SH3RF3: variants seen among roughly 807,000 people sequenced by gnomAD.
SH3RF3 encodes the protein SH3 domain containing ring finger 3.
In SH3RF3, 29 loss-of-function variants were observed where a neutral mutation model predicts 66.3. The ratio of observed to expected loss-of-function variants is 0.44; its 90% confidence interval spans 0.33 to 0.60. The LOEUF (loss-of-function observed/expected upper bound fraction) is 0.60, where lower values mean the gene tolerates loss of function less well. Among genes scored for constraint, SH3RF3 ranks in the 20% least tolerant of loss-of-function variants. The probability of loss-of-function intolerance (pLI) is 0.04; values close to 1 mark genes in which losing one functional copy is unlikely to be tolerated. For missense variants in SH3RF3, 1,194 were observed against 1,190.9 expected, an observed-to-expected ratio of 1.00 and a Z score of -0.04; for synonymous variants, 583 against 532.0, an observed-to-expected ratio of 1.10 and a Z score of -1.32.
At chr2:109,264,443 G>C (rs1972285) in intron 1 of SH3RF3, among the ~76,000 whole-genome samples, 1 of 151,960 alleles carries the variant, frequency 6.6e-6, no homozygotes, top group Non-Finnish European at 1.5e-5. Context: ...CCCCAAGTCT[G>C]TGTGTGCTCC....
chr2:109,221,773 C>A (rs1679249673), intron 1 of SH3RF3, among the ~76,000 whole-genome samples: 1 of 151,998 alleles, frequency 6.6e-6, no homozygotes, highest in Admixed American at 6.6e-5. Context: ...ATAAATAAGG[C>A]AGCCACTATG....
chr2:109,145,216 G>A (rs1322756711), intron 1 of SH3RF3, among the ~76,000 whole-genome samples: 2 of 152,172 alleles, frequency 1.3e-5, no homozygotes, highest in Admixed American at 6.5e-5. Context: ...TGTCCTGGCT[G>A]GGTCCTTCCT....
intron 1 of SH3RF3, among the ~76,000 whole-genome samples, chr2:109,252,150 T>G (rs910350326): frequency 6.6e-6 from 1 of 151,490 alleles, no homozygotes; most frequent in Non-Finnish European, 1.5e-5. Flanking sequence ...AGGCTGAGGT[T>G]GGAGGATGGA....
chr2:109,276,998 G>A (rs966791270), intron 1 of SH3RF3, among the ~76,000 whole-genome samples: 1 of 152,224 alleles, frequency 6.6e-6, no homozygotes, highest in South Asian at 2.1e-4. Flanking sequence ...GTGGGCAAAT[G>A]GACAGAATCA....
intron 1 of SH3RF3, among the ~76,000 whole-genome samples, chr2:109,149,106 G>C (rs1677171879): frequency 6.6e-6 from 1 of 152,058 alleles, no homozygotes; most frequent in South Asian, 2.1e-4. Flanking sequence ...CACTGTTCTG[G>C]GCTCTGGGAA....
intron 2 of SH3RF3, among the ~76,000 whole-genome samples, chr2:109,356,379 T>G (rs1042826174): frequency 6.6e-6 from 1 of 152,238 alleles, no homozygotes; most frequent in South Asian, 2.1e-4. Flanking sequence ...TAGGTCTATG[T>G]TGGACTTGCC....
intron 4 of SH3RF3, among the ~76,000 whole-genome samples, chr2:109,407,456 T>C (rs1430941750): frequency 6.6e-6 from 1 of 152,148 alleles, no homozygotes; most frequent in African/African-American, 2.4e-5. Flanking sequence ...GGCTGGGTCT[T>C]ATTATCTCTG....
At chr2:109,139,472 G>A (rs1041985222) in intron 1 of SH3RF3, among the ~76,000 whole-genome samples, 3 of 152,272 alleles carry the variant, frequency 2.0e-5, no homozygotes, top group South Asian at 4.1e-4. Flanking sequence ...TATCCTGAGC[G>A]GCATCCCCCT....
At chr2:109,413,774 A>G (rs1277414450) in intron 4 of SH3RF3, among the ~76,000 whole-genome samples, 1 of 152,184 alleles carries the variant, frequency 6.6e-6, no homozygotes, top group Admixed American at 6.5e-5. Context: ...GTTACTAACT[A>G]TGGCAGAATG....
rs574983604 is a variant in SH3RF3, at chr2:109,170,369, C to A, written c.573+40256C>A. ...TTCCTTTCTTTCTTTCTTTTTTGACCACATCTTGTTCTGTTGCCCAGGCTG... is the reference window on the plus strand; with the variant it reads ...TTCCTTTCTTTCTTTCTTTTTTGACAACATCTTGTTCTGTTGCCCAGGCTG... On this transcript the variant is annotated intron_variant, in intron 1 of 9. Coordinates refer to ENST00000309415, the MANE Select transcript of SH3RF3 (RefSeq NM_001099289.3). Among the ~76,000 whole-genome samples the A allele has an allele frequency of 2.0e-5, 3 of 149,212 alleles. No homozygotes were observed. The Admixed American group carries it at 2.0e-4, about 10-fold the overall frequency.
chr2:109,189,112 C>G (rs1470674017), intron 1 of SH3RF3, among the ~76,000 whole-genome samples: 1 of 152,144 alleles, frequency 6.6e-6, no homozygotes, highest in Non-Finnish European at 1.5e-5. Flanking sequence ...GATGCCTCCA[C>G]TGCCTTGCTA....
intron 2 of SH3RF3, among the ~76,000 whole-genome samples, chr2:109,352,287 G>C (rs539952845): frequency 6.6e-6 from 1 of 152,136 alleles, no homozygotes. Flanking sequence ...CAGAATACTC[G>C]CAGGAAAGTA....
chr2:109,490,461 C>A, intron 8 of SH3RF3, 144 bp from the exon 9 acceptor site: 1 of 683,180 alleles, frequency 1.5e-6, no homozygotes, highest in Non-Finnish European at 2.2e-6. Context: ...ACTGCTGTTG[C>A]TGTGAGTGGT....
intron 9 of SH3RF3, 115 bp from the exon 10 acceptor site, chr2:109,501,387 TA>T (rs1183883005): frequency 3.6e-6 from 2 of 558,356 alleles, no homozygotes; most frequent in Non-Finnish European, 6.5e-6. Flanking sequence ...AGAAATTGTA[TA>T]AAGTGGGAAA....
chr2:109,142,130 T>G (rs1453705427), intron 1 of SH3RF3, among the ~76,000 whole-genome samples: 2 of 151,066 alleles, frequency 1.3e-5, no homozygotes, highest in African/African-American at 2.4e-5. Context: ...ACCTACCGGG[T>G]GGGGTCCCTG....
At chr2:109,180,025 A>G (rs1198767389) in intron 1 of SH3RF3, among the ~76,000 whole-genome samples, 4 of 152,050 alleles carry the variant, frequency 2.6e-5, no homozygotes, top group African/African-American at 4.8e-5. Flanking sequence ...AATTACCTCA[A>G]GTGGTGGGAT....
chr2:109,279,509 C>T (rs1351018295), intron 1 of SH3RF3, among the ~76,000 whole-genome samples: 1 of 152,148 alleles, frequency 6.6e-6, no homozygotes, highest in Non-Finnish European at 1.5e-5. Flanking sequence ...CTGGGGAAGT[C>T]GCCACCGCCC....
At chr2:109,321,337 C>G (rs1666815526) in intron 1 of SH3RF3, among the ~76,000 whole-genome samples, 1 of 152,222 alleles carries the variant, frequency 6.6e-6, no homozygotes. Context: ...TGCAGATTGC[C>G]TCTTCCATAC....
intron 1 of SH3RF3, among the ~76,000 whole-genome samples, chr2:109,135,687 G>A (rs1676799289): frequency 6.6e-6 from 1 of 152,084 alleles, no homozygotes. Context: ...TGTGTGTGTT[G>A]TGAGTCTGAT....
Sources: gnomAD v4.1 joint callset for allele counts (sites outside exome capture counted in the v4.1 genomes callset) on GRCh38, gnomAD v4.1.1 for gene constraint, MANE v1.5 for transcripts, NCBI Gene and HGNC (gene_info 2026-07-23, HGNC 2026-07-21) for gene names.